The following GLCCI1 variants were observed in gnomAD, a reference collection of about 807,000 sequenced individuals.
GLCCI1 encodes the protein glucocorticoid-induced transcript 1 protein.
GLCCI1 carries 24 observed loss-of-function variants against 52.2 expected under a neutral mutation model. The observed-to-expected ratio is 0.46, with a 90% confidence interval of 0.33 to 0.65. GLCCI1 has a LOEUF of 0.65. Among genes scored for constraint, GLCCI1 ranks in the 30% least tolerant of loss-of-function variants. GLCCI1 has a pLI of 0.02. For missense variants in GLCCI1, 704 were observed against 701.5 expected, an observed-to-expected ratio of 1.00 and a Z score of -0.04; for synonymous variants, 310 against 276.5, an observed-to-expected ratio of 1.12 and a Z score of -1.20.
chr7:8,025,455 G>A (rs1781596538), intron 3 of GLCCI1, among the ~76,000 whole-genome samples: 1 of 152,046 alleles, frequency 6.6e-6, no homozygotes, highest in African/African-American at 2.4e-5. Context: ...ATGTTAGATG[G>A]GTTTGACAAC....
At chr7:8,078,495 T>C (rs1003257997) in intron 6 of GLCCI1, 1 of 152,246 alleles carries the variant, frequency 6.6e-6, no homozygotes, top group African/African-American at 2.4e-5. Flanking sequence ...TTCTAGGTGA[T>C]ATATGTATAT....
intron 3 of GLCCI1, among the ~76,000 whole-genome samples, chr7:8,052,393 G>A (rs1242530591): frequency 3.9e-5 from 6 of 152,160 alleles, no homozygotes; most frequent in Non-Finnish European, 8.8e-5. Context: ...TTAAGTTGTG[G>A]GGAGCTGACT....
chr7:7,972,970 T>A (rs1373940024), intron 1 of GLCCI1, among the ~76,000 whole-genome samples: 1 of 152,174 alleles, frequency 6.6e-6, no homozygotes, highest in Non-Finnish European at 1.5e-5. Context: ...TTTTTTTCTT[T>A]TGTATTTTTA....
At chr7:7,985,121 G>A (rs1780695926) in intron 1 of GLCCI1, among the ~76,000 whole-genome samples, 1 of 152,176 alleles carries the variant, frequency 6.6e-6, no homozygotes, top group East Asian at 1.9e-4. Context: ...TACAAATATG[G>A]TTAGTGCTGT....
chr7:7,969,747 G>T lies in GLCCI1; in HGVS notation c.397G>T (p.Glu133Ter). 1 of 1,471,762 alleles carries T rather than the reference G, an allele frequency of 6.8e-7. No homozygotes were observed. The highest frequency in any genetic ancestry group is 1.2e-5 in the South Asian group (1 of 80,608). 91.2% of individuals were successfully genotyped at this position (1,471,762 alleles called of 1,614,324 possible). The change falls in exon 1 of 8, where the codon GAG becomes TAG. Residue 133 changes from glutamate (E) to a stop codon, truncating the protein, a stop_gained. Coordinates refer to ENST00000223145, the MANE Select transcript of GLCCI1 (RefSeq NM_138426.4). LOFTEE classifies it high-confidence loss of function. This position sits in a 1 kb window ranked among gnomAD's most constrained non-coding sequence, Gnocchi z 4.9. The part of the protein sequence containing the change: ...RAKGRPRRSP[E>*]SHRRSSSPER... ...CAAGGGCCGCCCGAGACGGTCCCCA[G>T]AGAGCCACCGGAGGAGCAGCTCACC... is the stretch of plus-strand genomic sequence containing the variant.
At chr7:8,019,062 A>C (rs896814186) in intron 2 of GLCCI1, among the ~76,000 whole-genome samples, 1 of 152,182 alleles carries the variant, frequency 6.6e-6, no homozygotes, top group Non-Finnish European at 1.5e-5. Flanking sequence ...CACTTCTGTG[A>C]CTTCTTAATC....
At position 8,056,963 on chromosome 7, in the gene GLCCI1, A is replaced by G. The variant is rs144152602; in HGVS notation, c.813+1414A>G. The stretch of plus-strand genomic sequence containing the variant: ...AGAATTATCACTACTTACATATGAT[A>G]TTATATATTTAGAAAATCAAAGTGA... On this transcript the variant is annotated intron_variant, in intron 4 of 7. Transcript: ENST00000223145. Among the ~76,000 whole-genome samples, 827 of 152,302 alleles carry G rather than the reference A, an allele frequency of 5.4e-3. 9 individuals carry two copies. The highest frequency in any genetic ancestry group is 0.017 in the Middle Eastern group (5 of 294).
At chr7:8,042,952 A>G (rs553389686) in intron 3 of GLCCI1, among the ~76,000 whole-genome samples, 26 of 152,320 alleles carry the variant, frequency 1.7e-4, no homozygotes, top group South Asian at 6.2e-4. Flanking sequence ...AAGTCAGTCA[A>G]TTTGGCAAAC....
chr7:7,990,240 G>A (rs948162948), intron 1 of GLCCI1, among the ~76,000 whole-genome samples: 1 of 152,030 alleles, frequency 6.6e-6, no homozygotes, highest in Middle Eastern at 3.2e-3. Context: ...CATTTCTTGG[G>A]CACTTAGGGT....
At chr7:8,070,873 T>G (rs1473169360) in intron 5 of GLCCI1, 48 bp from the exon 6 acceptor site, 1 of 1,491,062 alleles carries the variant, frequency 6.7e-7, no homozygotes, top group Admixed American at 1.7e-5. Flanking sequence ...TCTATGTAGA[T>G]GAATATATGC....
At chr7:8,018,679 T>G (rs1781424344) in intron 2 of GLCCI1, among the ~76,000 whole-genome samples, 1 of 152,190 alleles carries the variant, frequency 6.6e-6, no homozygotes, top group Admixed American at 6.5e-5. Flanking sequence ...TAGGTATCCT[T>G]TTTACATAGA....
In GLCCI1 at chr7:8,088,649, G is replaced by T. The variant is rs948706298; in HGVS notation, c.*2111G>T. ...CACTCTGCTTTTGTCCAAATAAAAT[G>T]CAATAGTATCAATATCAATTTCAGA... On this transcript the variant is annotated 3_prime_UTR_variant, in exon 8 of 8. Coordinates refer to ENST00000223145, the MANE Select transcript of GLCCI1 (RefSeq NM_138426.4). 1 of 152,566 alleles carries T rather than the reference G, an allele frequency of 6.6e-6. No homozygotes were observed. Among genetic ancestry groups the T allele is most frequent in the Non-Finnish European group, 1.5e-5 (1 of 68,024 alleles). The allele number at this position is 152,566 out of a possible 1,614,324, so 9.5% of individuals were successfully genotyped here. A position where few individuals can be genotyped will look rare whatever the true frequency, so the allele number is the denominator to read the frequency against.
At chr7:8,060,065 A>C (rs201315221) in intron 4 of GLCCI1, 31 bp from the exon 5 acceptor site, 2 of 1,573,178 alleles carry the variant, frequency 1.3e-6, no homozygotes, top group Non-Finnish European at 1.7e-6. Flanking sequence ...GACCACAAAT[A>C]ATTTGATACC....
Position 7,969,232 on chromosome 7 carries a change from C to A in GLCCI1, c.-119C>A. On this transcript the variant is annotated 5_prime_UTR_variant, in exon 1 of 8. Coordinates refer to ENST00000223145, the MANE Select transcript of GLCCI1 (RefSeq NM_138426.4). The surrounding 1 kb of genome is among the most constrained non-coding windows in gnomAD (Gnocchi z 4.9). ...CCGAGACTCCTCCCCCACAGCGATA[C>A]CCCCGCCCCTCCCCCTTACACACTC... The A allele has an allele frequency of 8.1e-5, 39 of 483,720 alleles. No individual in the cohort carries two copies. Among genetic ancestry groups the A allele is most frequent in the Non-Finnish European group, 9.7e-5 (34 of 351,590 alleles). The allele number at this position is 483,720 out of a possible 1,614,324, so 30.0% of individuals were successfully genotyped here. A position where few individuals can be genotyped will look rare whatever the true frequency, so the allele number is the denominator to read the frequency against.
At chr7:7,980,523 T>C in intron 1 of GLCCI1, 1 of 436,746 alleles carries the variant, frequency 2.3e-6, no homozygotes, top group Non-Finnish European at 4.1e-6. Context: ...TTATTCACAG[T>C]ATACAAAGGT....
At chr7:8,072,017 C>G (rs1782773322) in intron 6 of GLCCI1, among the ~76,000 whole-genome samples, 1 of 152,278 alleles carries the variant, frequency 6.6e-6, no homozygotes, top group East Asian at 1.9e-4. Context: ...ATCATAAGTG[C>G]TCAGCCAAAT....
chr7:8,063,315 T>C (rs1321617740), intron 5 of GLCCI1, among the ~76,000 whole-genome samples: 1 of 135,930 alleles, frequency 7.4e-6, no homozygotes, highest in African/African-American at 2.5e-5. Flanking sequence ...CTTTTTGTAT[T>C]TTTTTTTTCT....
chr7:8,057,189 G>A (rs181486027), intron 4 of GLCCI1, among the ~76,000 whole-genome samples: 42 of 151,706 alleles, frequency 2.8e-4, no homozygotes, highest in African/African-American at 6.8e-4. Flanking sequence ...TAGAATTTTC[G>A]CCCTTTGATA....
chr7:8,077,541 C>T (rs1363066979), intron 6 of GLCCI1, among the ~76,000 whole-genome samples: 1 of 152,116 alleles, frequency 6.6e-6, no homozygotes, highest in East Asian at 1.9e-4. Context: ...AATTATGTGC[C>T]CTTGGACAAG....
Sources: gnomAD v4.1 joint callset for allele counts (sites outside exome capture counted in the v4.1 genomes callset) on GRCh38, gnomAD v4.1.1 for gene constraint, Gnocchi (gnomAD v3.1) non-coding constraint, MANE v1.5 for transcripts, NCBI Gene and HGNC (gene_info 2026-07-23, HGNC 2026-07-21) for gene names.